The following ADGRB3 variants were observed in gnomAD, a reference collection of about 807,000 sequenced individuals.
ADGRB3 encodes brain-specific angiogenesis inhibitor 3.
In ADGRB3, 37 loss-of-function variants were observed where a neutral mutation model predicts 193.4. The ratio of observed to expected loss-of-function variants is 0.19; its 90% confidence interval spans 0.15 to 0.25. The LOEUF (loss-of-function observed/expected upper bound fraction) is 0.25, where lower values mean the gene tolerates loss of function less well. Among genes scored for constraint, ADGRB3 ranks in the 10% least tolerant of loss-of-function variants. The pLI, the probability that ADGRB3 is intolerant of heterozygous loss-of-function variation, is 1.00. For synonymous variants in ADGRB3, 690 were observed against 644.2 expected (o/e 1.07, Z -1.08); for missense variants, 1,637 against 1,852.9 (o/e 0.88, Z 2.14).
intron 17 of ADGRB3, among the ~76,000 whole-genome samples, chr6:69,214,321 G>T (rs558228290): frequency 6.6e-6 from 1 of 152,094 alleles, no homozygotes; most frequent in Non-Finnish European, 1.5e-5. Flanking sequence ...TGAGGTACCT[G>T]ATATGGCTTT....
chr6:69,329,393 A>C (rs1181499728), intron 22 of ADGRB3, among the ~76,000 whole-genome samples: 5 of 152,224 alleles, frequency 3.3e-5, no homozygotes, highest in Admixed American at 3.3e-4. Flanking sequence ...GGGTATATCT[A>C]TGCTGATATA....
intron 24 of ADGRB3, among the ~76,000 whole-genome samples, chr6:69,337,503 G>A (rs1181175951): frequency 1.3e-5 from 2 of 152,110 alleles, no homozygotes. Context: ...GAGAATACTA[G>A]GCTATGTACT....
intron 3 of ADGRB3, among the ~76,000 whole-genome samples, chr6:68,896,562 G>A (rs1766223655): frequency 6.6e-6 from 1 of 152,028 alleles, no homozygotes; most frequent in Non-Finnish European, 1.5e-5. Context: ...CAAACTTTCT[G>A]TTACATTAAG....
At chr6:68,756,897 T>C (rs902525577) in intron 3 of ADGRB3, among the ~76,000 whole-genome samples, 3 of 152,136 alleles carry the variant, frequency 2.0e-5, no homozygotes, top group Admixed American at 6.5e-5. Flanking sequence ...TTGTGAAATA[T>C]CATGTAACAT....
rs1039261143 is a variant in ADGRB3 at position 69,025,280 on chromosome 6, A to C, written c.2107+6781A>C. Among the ~76,000 whole-genome samples the C allele has an allele frequency of 3.3e-5, 5 of 152,060 alleles. No homozygotes were observed. In the South Asian group the frequency reaches 1.0e-3, roughly 32 times the overall value. On this transcript the variant is annotated intron_variant, in intron 13 of 31. Coordinates refer to ENST00000370598, the MANE Select transcript of ADGRB3 (RefSeq NM_001704.3). ...CAGCACCAAACCTATGTTCTTTCTT[A>C]TATTCACTGGCAAACTTGATAATTT...
At chr6:68,837,826 A>G (rs557978247) in intron 3 of ADGRB3, among the ~76,000 whole-genome samples, 10 of 152,310 alleles carry the variant, frequency 6.6e-5, no homozygotes, top group African/African-American at 2.2e-4. Context: ...ACTCCCACTC[A>G]CTTTCTTCAA....
intron 20 of ADGRB3, among the ~76,000 whole-genome samples, chr6:69,291,097 C>A (rs1194047335): frequency 6.6e-6 from 1 of 152,088 alleles, no homozygotes; most frequent in Non-Finnish European, 1.5e-5. Context: ...CTTTGTCATC[C>A]TTTTCCTAAT....
At chr6:69,195,360 T>C (rs1041508148) in intron 17 of ADGRB3, among the ~76,000 whole-genome samples, 2 of 151,650 alleles carry the variant, frequency 1.3e-5, no homozygotes, top group Admixed American at 6.6e-5. Flanking sequence ...TGGACCCTAT[T>C]TCTACAAAAA....
intron 3 of ADGRB3, among the ~76,000 whole-genome samples, chr6:68,848,268 A>G (rs1217457127): frequency 6.6e-6 from 1 of 152,102 alleles, no homozygotes. Flanking sequence ...TATTAATTTT[A>G]TCTTGCACTC....
At chr6:69,327,577 C>A (rs1304357513) in intron 21 of ADGRB3, among the ~76,000 whole-genome samples, 3 of 152,098 alleles carry the variant, frequency 2.0e-5, no homozygotes, top group African/African-American at 4.8e-5. Flanking sequence ...TCCATTTAAA[C>A]CCGTGTCAAA....
At chr6:68,663,769 G>A (rs983108764) in intron 3 of ADGRB3, among the ~76,000 whole-genome samples, 12 of 151,790 alleles carry the variant, frequency 7.9e-5, no homozygotes, top group Non-Finnish European at 8.8e-5. Flanking sequence ...ATGAAAAGCC[G>A]AAGAGAGCAT....
rs866194932 is a variant in ADGRB3, at chr6:68,785,615, A to G, written c.758-144944A>G. On this transcript the variant is annotated intron_variant, in intron 3 of 31. Transcript: ENST00000370598. ...TATTGTGAATAGTGCCGCTATAAAC[A>G]TACATATGCATGTGTCTTTATAGGC... 2.3e-4 allele frequency among the ~76,000 whole-genome samples: 35 copies of G among 152,248 alleles called. 1 individual carries two copies. Among genetic ancestry groups the G allele is most frequent in the African/African-American group, 6.3e-4 (26 of 41,554 alleles).
chr6:69,038,836 G>A (rs150354859), intron 13 of ADGRB3, among the ~76,000 whole-genome samples: 1 of 152,254 alleles, frequency 6.6e-6, no homozygotes, highest in African/African-American at 2.4e-5. Context: ...TCAAGGTTCA[G>A]TAGTTCCTTC....
intron 17 of ADGRB3, among the ~76,000 whole-genome samples, chr6:69,078,603 A>G (rs1299368089): frequency 6.6e-6 from 1 of 151,972 alleles, no homozygotes; most frequent in Non-Finnish European, 1.5e-5. Flanking sequence ...ACTATTCTCT[A>G]TATTGATGAC....
At chr6:68,995,163 C>T (rs1483889435) in intron 11 of ADGRB3, among the ~76,000 whole-genome samples, 3 of 152,104 alleles carry the variant, frequency 2.0e-5, no homozygotes, top group Non-Finnish European at 4.4e-5. Flanking sequence ...TTCAAAGATG[C>T]TTTTCTCTTA....
chr6:68,902,336 T>TA (rs1216348619), intron 3 of ADGRB3, among the ~76,000 whole-genome samples: 1 of 150,944 alleles, frequency 6.6e-6, no homozygotes, highest in Non-Finnish European at 1.5e-5. Context: ...TCTGTAGTAA[T>TA]TTTTTTTTCT....
In ADGRB3 at chr6:69,240,833, A is replaced by AT. The variant is rs1204220227; in HGVS notation, c.2814+1613dup. Among the ~76,000 whole-genome samples the AT allele has an allele frequency of 8.6e-5, 13 of 152,012 alleles. No homozygotes were observed. In the East Asian group the frequency reaches 2.5e-3, roughly 29 times the overall value. On this transcript the variant is annotated intron_variant, in intron 20 of 31. Coordinates refer to ENST00000370598, the MANE Select transcript of ADGRB3 (RefSeq NM_001704.3). ...ATACACTGGTTAATACCTATTCCCAATTTTTTAACTACTTGTCCTTCAACC... is the reference window on the plus strand; with the variant it reads ...ATACACTGGTTAATACCTATTCCCAATTTTTTTAACTACTTGTCCTTCAACC...
At chr6:68,749,417 T>C (rs1352156270) in intron 3 of ADGRB3, among the ~76,000 whole-genome samples, 1 of 140,944 alleles carries the variant, frequency 7.1e-6, no homozygotes, top group Non-Finnish European at 1.5e-5. Flanking sequence ...TATGTGTGTG[T>C]GTGTGTGTGT....
At chr6:68,895,502 G>A (rs758966796) in intron 3 of ADGRB3, among the ~76,000 whole-genome samples, 3 of 151,894 alleles carry the variant, frequency 2.0e-5, no homozygotes, top group Non-Finnish European at 2.9e-5. Context: ...GTGTAGAACA[G>A]TATTTGTCAT....
Sources: gnomAD v4.1 joint callset for allele counts (sites outside exome capture counted in the v4.1 genomes callset) on GRCh38, gnomAD v4.1.1 for gene constraint, MANE v1.5 for transcripts, NCBI Gene and HGNC (gene_info 2026-07-23, HGNC 2026-07-21) for gene names.